FGD5: variants seen among roughly 807,000 people sequenced by gnomAD.
FGD5 encodes FYVE, RhoGEF and PH domain-containing protein 5.
FGD5 carries 28 observed loss-of-function variants against 133.4 expected under a neutral mutation model. The observed-to-expected ratio is 0.21, with a 90% CI of 0.16 to 0.29. The LOEUF is 0.29. FGD5 is among the 10% of genes least tolerant of loss of function. FGD5 has a pLI of 1.00. For synonymous variants in FGD5, 810 were observed against 776.5 expected, an observed-to-expected ratio of 1.04 and a Z score of -0.72; for missense variants, 1,858 against 1,895.2, an observed-to-expected ratio of 0.98 and a Z score of 0.36.
At chr3:14,879,734 A>T (rs879661132) in intron 2 of FGD5, among the ~76,000 whole-genome samples, 1 of 152,144 alleles carries the variant, frequency 6.6e-6, no homozygotes, top group Non-Finnish European at 1.5e-5. Context: ...CTCAGAAACG[A>T]TACCTAGCCC....
Position 14,844,213 on chromosome 3 carries a change from AAAAAATATATATATATATATATATATAT to A in FGD5, c.2526-19913_2526-19886del, listed in dbSNP as rs1427924110. 1.5e-3 allele frequency among the ~76,000 whole-genome samples: 49 copies of A among 32,648 alleles called. 2 individuals carry two copies. The highest frequency in any genetic ancestry group is 9.2e-3 in the East Asian group (11 of 1,202). The allele number at this position is 32,648 out of a possible 152,430, so 21.4% of individuals were successfully genotyped here. Reference sequence around the variant, plus strand: ...ACATCTTAATAGGCATTAAAAAAAAAAAAAATATATATATATATATATATATATATATATATATATATATATATATATA... The same window carrying A: ...ACATCTTAATAGGCATTAAAAAAAAAATATATATATATATATATATATATA... On this transcript the variant is annotated intron_variant, in intron 1 of 19. Coordinates refer to ENST00000285046, the MANE Select transcript of FGD5 (RefSeq NM_152536.4).
chr3:14,918,859 C>A, intron 13 of FGD5, 26 bp downstream of exon 13: 1 of 1,611,472 alleles, frequency 6.2e-7, no homozygotes, highest in Non-Finnish European at 8.5e-7. Context: ...GGGAGGATGG[C>A]GCACAAGGCA....
intron 10 of FGD5, among the ~76,000 whole-genome samples, chr3:14,908,968 T>TCATC (rs532892832): frequency 1.4e-5 from 2 of 146,362 alleles, no homozygotes; most frequent in South Asian, 2.1e-4. Context: ...ATTCATTCAT[T>TCATC]CATCCATTCA....
intron 1 of FGD5, among the ~76,000 whole-genome samples, chr3:14,836,757 G>A (rs1384123123): frequency 2.0e-5 from 3 of 152,130 alleles, no homozygotes; most frequent in African/African-American, 7.2e-5. Flanking sequence ...GGCAGACCCC[G>A]ATTGCTGATG....
intron 18 of FGD5, among the ~76,000 whole-genome samples, chr3:14,929,495 A>G (rs76125091): frequency 0.044 from 6,763 of 152,294 alleles, 501 homozygotes; most frequent in African/African-American, 0.15. Context: ...GTTGCTCCAC[A>G]TCATTGCTAA....
chr3:14,843,906 G>A (rs139359727), intron 1 of FGD5, among the ~76,000 whole-genome samples: 5,368 of 151,426 alleles, frequency 0.035, 135 homozygotes, highest in Non-Finnish European at 0.056. Context: ...TGTTGGCCAG[G>A]CTGGTCTCAA....
In FGD5 at chr3:14,925,273, A is replaced by G. The variant is rs76354230; in HGVS notation, c.4069-797A>G. Among the ~76,000 whole-genome samples the G allele has an allele frequency of 5.1e-3, 777 of 152,282 alleles. 7 individuals are homozygous for G. Among genetic ancestry groups the G allele is most frequent in the African/African-American group, 0.018 (732 of 41,544 alleles). ...CTTGTGGAAATTTTCATGCACATAC[A>G]TAATACAGATGTACATTCATAGATC... On this transcript the variant is annotated intron_variant, in intron 17 of 19. Coordinates refer to ENST00000285046, the MANE Select transcript of FGD5 (RefSeq NM_152536.4).
intron 1 of FGD5, among the ~76,000 whole-genome samples, chr3:14,828,583 C>G (rs772082345): frequency 9.2e-5 from 14 of 152,170 alleles, no homozygotes; most frequent in Non-Finnish European, 1.9e-4. Flanking sequence ...AGTTCCCTCA[C>G]TCAGTCCGCT....
intron 17 of FGD5, among the ~76,000 whole-genome samples, chr3:14,925,677 A>C (rs987217627): frequency 1.3e-5 from 2 of 152,246 alleles, no homozygotes; most frequent in Non-Finnish European, 2.9e-5. Context: ...TTTAGGCAAC[A>C]GTACAAAGAG....
intron 1 of FGD5, among the ~76,000 whole-genome samples, chr3:14,812,868 A>G (rs899894423): frequency 6.6e-6 from 1 of 152,186 alleles, no homozygotes; most frequent in Non-Finnish European, 1.5e-5. Context: ...ACCAGCTAAT[A>G]TTTATTGGGT....
At chr3:14,908,679 G>T (rs1287676691) in intron 10 of FGD5, among the ~76,000 whole-genome samples, 1 of 152,052 alleles carries the variant, frequency 6.6e-6, no homozygotes, top group Non-Finnish European at 1.5e-5. Flanking sequence ...AAGGTCAGGA[G>T]TTCGAGATCA....
chr3:14,833,203 C>T (rs758647594), intron 1 of FGD5, among the ~76,000 whole-genome samples: 16 of 152,070 alleles, frequency 1.1e-4, no homozygotes, highest in Non-Finnish European at 1.6e-4. Flanking sequence ...TGATCTTTGG[C>T]TGTTTTCTGG....
intron 1 of FGD5, among the ~76,000 whole-genome samples, chr3:14,813,032 G>C (rs1311666661): frequency 6.6e-6 from 1 of 152,154 alleles, no homozygotes; most frequent in Non-Finnish European, 1.5e-5. Flanking sequence ...GCTTATTGAA[G>C]GGCTGAGACA....
chr3:14,882,685 G>A (rs2037849156), intron 4 of FGD5, among the ~76,000 whole-genome samples: 1 of 147,856 alleles, frequency 6.8e-6, no homozygotes, highest in East Asian at 2.1e-4. Flanking sequence ...GTGACAGAGG[G>A]AGACTCTGTC....
At chr3:14,892,143 A>C (rs748810087) in intron 4 of FGD5, among the ~76,000 whole-genome samples, 3 of 151,712 alleles carry the variant, frequency 2.0e-5, no homozygotes, top group Non-Finnish European at 4.4e-5. Context: ...AGGGCTGTCC[A>C]TCCTCTCTCT....
intron 2 of FGD5, among the ~76,000 whole-genome samples, chr3:14,865,786 G>A (rs115405718): frequency 2.4e-3 from 359 of 152,364 alleles, no homozygotes; most frequent in African/African-American, 8.2e-3. Context: ...AGCTCTGGCT[G>A]GCTCCAAGTC....
chr3:14,890,540 AAGTTGATG>A (rs2038007956), intron 4 of FGD5, among the ~76,000 whole-genome samples: 1 of 152,124 alleles, frequency 6.6e-6, no homozygotes, highest in African/African-American at 2.4e-5. Context: ...TGATGGGCCC[AAGTTGATG>A]AGTTGATGAG....
Position 14,821,186 on chromosome 3 carries a change from G to A in FGD5, c.2115G>A (p.Gln705=). 1 of 1,613,896 alleles carries A rather than the reference G, an allele frequency of 6.2e-7. No individual in the cohort carries two copies. The highest frequency in any genetic ancestry group is 1.3e-5 in the African/African-American group (1 of 74,988). ...VDRRSLSNSP[Q]LKSRTGKLRA... ...GGAGAAGCCTCAGCAACTCCCCTCA[G>A]CTTAAGTCTCGGACTGGGAAGCTCC... Residue 705 remains glutamine, a synonymous_variant, in exon 1 of 20, where the codon CAG becomes CAA. Transcript: ENST00000285046.
chr3:14,848,563 T>C (rs996709653), intron 1 of FGD5, among the ~76,000 whole-genome samples: 7 of 152,302 alleles, frequency 4.6e-5, no homozygotes, highest in African/African-American at 1.4e-4. Context: ...ACCTCACTTA[T>C]ACCACAAAAA....
Sources: allele counts gnomAD v4.1 joint callset (sites outside exome capture counted in the v4.1 genomes callset), GRCh38; gene constraint gnomAD v4.1.1; transcripts MANE v1.5; gene names NCBI Gene and HGNC (gene_info 2026-07-23, HGNC 2026-07-21).